The following GCSAML variants were observed in gnomAD, a reference collection of about 807,000 sequenced individuals.
GCSAML encodes germinal center associated signaling and motility like.
GCSAML carries 9 observed loss-of-function variants against 13.0 expected under a neutral mutation model. That is an observed-to-expected ratio of 0.69 (90% CI 0.42 to 1.21). The LOEUF (loss-of-function observed/expected upper bound fraction) is 1.21, where lower values mean the gene tolerates loss of function less well. GCSAML is among the 50% of genes most tolerant of loss of function. GCSAML has a pLI of 0.00. For synonymous variants in GCSAML, 37 were observed against 52.9 expected (o/e 0.70, Z 1.31); for missense variants, 143 against 153.4 (o/e 0.93, Z 0.36).
intron 4 of GCSAML, among the ~76,000 whole-genome samples, chr1:247,571,112 T>A (rs1171255825): frequency 6.6e-6 from 1 of 152,200 alleles, no homozygotes; most frequent in Non-Finnish European, 1.5e-5. Flanking sequence ...GTGAGATGGG[T>A]CTCCTGAATA....
At chr1:247,532,257 G>A (rs1204322735) in intron 2 of GCSAML, 2 of 1,614,204 alleles carry the variant, frequency 1.2e-6, no homozygotes, top group Admixed American at 3.3e-5. Flanking sequence ...GTCCCCAGAG[G>A]TTAGCCAGGA....
chr1:247,525,324 C>T (rs1391355013), intron 1 of GCSAML: 1 of 152,198 alleles, frequency 6.6e-6, no homozygotes, highest in East Asian at 1.9e-4. Flanking sequence ...GCCAGGTCTG[C>T]TGGGTGAGGG....
rs1353629293 is a variant in GCSAML at position 247,577,089 on chromosome 1, T to C, written c.*2707T>C. 2 of 152,182 alleles carry C rather than the reference T, an allele frequency of 1.3e-5. No homozygotes were observed. Among genetic ancestry groups the C allele is most frequent in the African/African-American group, 4.8e-5 (2 of 41,460 alleles). 9.4% of individuals were successfully genotyped at this position (152,182 alleles called of 1,614,324 possible). A position where few individuals can be genotyped will look rare whatever the true frequency, so the allele number is the denominator to read the frequency against. On this transcript the variant is annotated 3_prime_UTR_variant, in exon 5 of 5. Coordinates refer to ENST00000366488, the MANE Select transcript of GCSAML (RefSeq NM_145278.5). ...TTTCAGCAAAGCAGGATTTAAGAAA[T>C]GTAACTATCTTATGTGGTTATGAAG...
At chr1:247,551,450 A>G (rs1667774715) in intron 1 of GCSAML, among the ~76,000 whole-genome samples, 1 of 152,244 alleles carries the variant, frequency 6.6e-6, no homozygotes, top group Admixed American at 6.5e-5. Flanking sequence ...AGGCACGTAG[A>G]AAGTGGTAAG....
intron 2 of GCSAML, among the ~76,000 whole-genome samples, chr1:247,558,549 C>CCGCTT (rs1668026929): frequency 6.6e-6 from 1 of 152,156 alleles, no homozygotes; most frequent in Non-Finnish European, 1.5e-5. Context: ...CCCCTGGCAA[C>CCGCTT]CACTGATCTG....
upstream of GCSAML, among the ~76,000 whole-genome samples, chr1:247,546,827 A>C (rs1572342681): frequency 6.6e-6 from 1 of 151,318 alleles, no homozygotes; most frequent in East Asian, 2.0e-4. Flanking sequence ...TGGTGGCTCA[A>C]GCCTGTAATC....
upstream of GCSAML, among the ~76,000 whole-genome samples, chr1:247,546,808 G>T (rs1433127150): frequency 6.6e-6 from 1 of 151,950 alleles, no homozygotes; most frequent in Non-Finnish European, 1.5e-5. Context: ...TTCACAAGGG[G>T]GCTGGATGTG....
intron 2 of GCSAML, among the ~76,000 whole-genome samples, chr1:247,557,436 C>T (rs1355612643): frequency 6.6e-6 from 1 of 152,220 alleles, no homozygotes; most frequent in Non-Finnish European, 1.5e-5. Flanking sequence ...CAGAAACACC[C>T]TGCCTTGTTG....
chr1:247,539,218 T>C (rs1667325682), intron 2 of GCSAML, among the ~76,000 whole-genome samples: 1 of 151,944 alleles, frequency 6.6e-6, no homozygotes, highest in Non-Finnish European at 1.5e-5. Flanking sequence ...GTGATTGGGG[T>C]AGGAAAAAAT....
At chr1:247,511,853 G>A (rs1328450301) in intron 1 of GCSAML, among the ~76,000 whole-genome samples, 2 of 152,176 alleles carry the variant, frequency 1.3e-5, no homozygotes, top group African/African-American at 4.8e-5. Context: ...CTTCTGACTT[G>A]TAGGGTTTCT....
chr1:247,551,107 C>A (rs1667762874), intron 1 of GCSAML, among the ~76,000 whole-genome samples: 1 of 152,148 alleles, frequency 6.6e-6, no homozygotes, highest in Non-Finnish European at 1.5e-5. Context: ...ACAATGGCTT[C>A]TTTTTAAGAT....
In GCSAML at chr1:247,538,960, T is replaced by C. The variant is rs918292082; in HGVS notation, c.-147-10085T>C. On this transcript the variant is annotated intron_variant, in intron 2 of 5. Transcript: ENST00000366489. ...TCCAGCTGCAGTCTCCTCTTCTCAG[T>C]TGATGACAACTGAGAACTCTATTCT... Among the ~76,000 whole-genome samples, 4 of 152,204 alleles carry C rather than the reference T, an allele frequency of 2.6e-5. No individual in the cohort carries two copies. In the East Asian group the frequency reaches 5.8e-4, roughly 22 times the overall value.
intron 2 of GCSAML, among the ~76,000 whole-genome samples, chr1:247,538,993 G>A (rs1667319552): frequency 6.6e-6 from 1 of 152,128 alleles, no homozygotes; most frequent in Admixed American, 6.6e-5. Flanking sequence ...TCTTCCATTT[G>A]CTTAGTCCAG....
rs943123634 is a variant in GCSAML, at chr1:247,527,903, C to T, written c.-148+849C>T. On this transcript the variant is annotated intron_variant, in intron 2 of 5. Transcript: ENST00000366489. The surrounding 1 kb of genome is among the most constrained non-coding windows in gnomAD (Gnocchi z 4.6). ...CTTCTCATTCCCCCACCCCTGCTAT[C>T]CATTCCCAGCCTCAAGTATCCTCTG... 4.6e-5 allele frequency: 7 copies of T among 152,162 alleles called. No individual in the cohort carries two copies. The allele number at this position is 152,162 out of a possible 1,614,324, so 9.4% of individuals were successfully genotyped here.
chr1:247,568,741 G>A (rs1027273873), intron 4 of GCSAML, among the ~76,000 whole-genome samples: 1 of 152,120 alleles, frequency 6.6e-6, no homozygotes, highest in African/African-American at 2.4e-5. Flanking sequence ...GATGGGAATA[G>A]CATTGAATCT....
chr1:247,520,817 T>C (rs925341465), intron 1 of GCSAML, among the ~76,000 whole-genome samples: 2 of 152,226 alleles, frequency 1.3e-5, no homozygotes, highest in Non-Finnish European at 2.9e-5. Flanking sequence ...ATTATAGACA[T>C]TGCAAAAAGG....
Position 247,549,153 on chromosome 1 carries a change from T to G in GCSAML, c.-39T>G. 6.2e-7 allele frequency: 1 copy of G among 1,613,914 alleles called. No homozygotes were observed. Among genetic ancestry groups the G allele is most frequent in the Non-Finnish European group, 8.5e-7 (1 of 1,179,942 alleles). On this transcript the variant is annotated 5_prime_UTR_variant, in exon 1 of 5. Transcript: ENST00000366488. ...TTGGTCAGAACTTCCCCAAGTGGAG[T>G]GAAACTCAGGAGCTGAGAAACCGAG...
chr1:247,508,573 T>A (rs1665907401), intron 1 of GCSAML, among the ~76,000 whole-genome samples: 1 of 152,228 alleles, frequency 6.6e-6, no homozygotes, highest in Admixed American at 6.5e-5. Context: ...GTTTTAGTCA[T>A]GAAGTCTTTG....
At chr1:247,535,639 A>G (rs896161080) in intron 2 of GCSAML, among the ~76,000 whole-genome samples, 1 of 152,262 alleles carries the variant, frequency 6.6e-6, no homozygotes, top group African/African-American at 2.4e-5. Context: ...AAGGTCACTC[A>G]TGAGGTAATA....
Sources: gnomAD v4.1 joint callset for allele counts (sites outside exome capture counted in the v4.1 genomes callset) on GRCh38, gnomAD v4.1.1 for gene constraint, Gnocchi (gnomAD v3.1) non-coding constraint, MANE v1.5 for transcripts, NCBI Gene and HGNC (gene_info 2026-07-23, HGNC 2026-07-21) for gene names.